The following KCNT2 variants were observed in gnomAD, a reference collection of about 807,000 sequenced individuals.
The protein encoded by KCNT2 is potassium channel subfamily T member 2.
KCNT2 carries 67 observed loss-of-function variants against 153.8 expected under a neutral mutation model. The observed-to-expected ratio is 0.44, with a 90% confidence interval of 0.36 to 0.53. The LOEUF (loss-of-function observed/expected upper bound fraction) is 0.53. Among genes scored for constraint, KCNT2 ranks in the 20% least tolerant of loss-of-function variants. KCNT2 has a pLI of 0.00. For synonymous variants in KCNT2, 500 were observed against 458.8 expected, an observed-to-expected ratio of 1.09 and a Z score of -1.15; for missense variants, 975 against 1,354.8, an observed-to-expected ratio of 0.72 and a Z score of 4.40.
At chr1:196,266,304 C>T (rs1657533157) in intron 25 of KCNT2, among the ~76,000 whole-genome samples, 2 of 152,224 alleles carry the variant, frequency 1.3e-5, no homozygotes, top group East Asian at 3.9e-4. Context: ...TAAATTTAAA[C>T]AAAGTACCCT....
intron 1 of KCNT2, among the ~76,000 whole-genome samples, chr1:196,529,899 A>G (rs1170101340): frequency 1.3e-5 from 2 of 152,054 alleles, no homozygotes; most frequent in Non-Finnish European, 2.9e-5. Context: ...TATGATCTTT[A>G]CTCTGGTAAA....
intron 1 of KCNT2, among the ~76,000 whole-genome samples, chr1:196,533,030 T>C (rs890185356): frequency 1.3e-5 from 2 of 152,120 alleles, no homozygotes; most frequent in South Asian, 2.1e-4. Context: ...CAGAGATCTC[T>C]ATCTGGCCAA....
intron 22 of KCNT2, among the ~76,000 whole-genome samples, chr1:196,288,591 G>A (rs897326655): frequency 2.6e-5 from 4 of 152,128 alleles, no homozygotes; most frequent in East Asian, 1.9e-4. Context: ...AGTGAAAGAC[G>A]AATGTACATT....
intron 1 of KCNT2, among the ~76,000 whole-genome samples, chr1:196,505,032 GT>G (rs1473867210): frequency 6.6e-6 from 1 of 151,464 alleles, no homozygotes; most frequent in East Asian, 1.9e-4. Flanking sequence ...CATTTTGTAG[GT>G]TGCCTGTTCA....
chr1:196,436,001 C>A (rs1228609304), intron 8 of KCNT2, among the ~76,000 whole-genome samples: 2 of 151,536 alleles, frequency 1.3e-5, no homozygotes, highest in African/African-American at 4.8e-5. Context: ...CTCATAAAAT[C>A]CTAAAAAATT....
chr1:196,381,130 G>A (rs1373282708), intron 13 of KCNT2, among the ~76,000 whole-genome samples: 1 of 151,994 alleles, frequency 6.6e-6, no homozygotes, highest in African/African-American at 2.4e-5. Flanking sequence ...TAAAAAGCAC[G>A]TTTCTGTTTT....
At chr1:196,455,199 C>G (rs1265497741) in intron 8 of KCNT2, among the ~76,000 whole-genome samples, 1 of 151,916 alleles carries the variant, frequency 6.6e-6, no homozygotes, top group African/African-American at 2.4e-5. Flanking sequence ...TGATTTCAGA[C>G]TAGGTCACCT....
At chr1:196,427,051 G>C (rs1384163930) in intron 10 of KCNT2, among the ~76,000 whole-genome samples, 2 of 151,906 alleles carry the variant, frequency 1.3e-5, no homozygotes, top group African/African-American at 2.4e-5. Flanking sequence ...AGCAGTGTGA[G>C]AGCAGGCTAA....
chr1:196,462,983 T>C (rs956838600), intron 8 of KCNT2, among the ~76,000 whole-genome samples: 1 of 151,710 alleles, frequency 6.6e-6, no homozygotes, highest in Admixed American at 6.6e-5. Context: ...ACTTGTGTCT[T>C]ATTTTTCTAA....
At chr1:196,243,116 C>T (rs1304093618) in intron 26 of KCNT2, among the ~76,000 whole-genome samples, 2 of 152,108 alleles carry the variant, frequency 1.3e-5, no homozygotes, top group Non-Finnish European at 2.9e-5. Context: ...TTTCAAGAAG[C>T]AGTTTTCTAG....
At chr1:196,377,477 T>A (rs1669072850) in intron 13 of KCNT2, among the ~76,000 whole-genome samples, 1 of 152,022 alleles carries the variant, frequency 6.6e-6, no homozygotes, top group South Asian at 2.1e-4. Flanking sequence ...CAGTAACTGC[T>A]ATTTTTCCCT....
At chr1:196,434,765 T>C (rs1261236085) in intron 8 of KCNT2, among the ~76,000 whole-genome samples, 1 of 151,960 alleles carries the variant, frequency 6.6e-6, no homozygotes, top group East Asian at 1.9e-4. Flanking sequence ...AAAGTGACAT[T>C]ATGTGGTTGC....
intron 8 of KCNT2, among the ~76,000 whole-genome samples, chr1:196,455,500 T>G (rs1400444349): frequency 6.6e-6 from 1 of 151,984 alleles, no homozygotes; most frequent in Non-Finnish European, 1.5e-5. Flanking sequence ...CTCACATCTT[T>G]CCTCAAAACA....
chr1:196,460,416 A>G (rs900999145), intron 8 of KCNT2, among the ~76,000 whole-genome samples: 1 of 151,744 alleles, frequency 6.6e-6, no homozygotes, highest in Non-Finnish European at 1.5e-5. Context: ...AAGTATCTCC[A>G]CTTGATAAGG....
intron 13 of KCNT2, among the ~76,000 whole-genome samples, chr1:196,389,588 G>C (rs1380061193): frequency 1.3e-5 from 2 of 151,578 alleles, no homozygotes; most frequent in African/African-American, 4.8e-5. Flanking sequence ...ACTTTCAAGG[G>C]CAGTGTTAGT....
Position 196,431,471 on chromosome 1 carries a change from C to T in KCNT2, c.639-1714G>A, listed in dbSNP as rs1674141362. On this transcript the variant is annotated intron_variant, in intron 8 of 27. Coordinates refer to ENST00000294725, the MANE Select transcript of KCNT2 (RefSeq NM_198503.5). The stretch of plus-strand genomic sequence containing the variant: ...TTATAGATTATTTAAACAGTCATGA[C>T]CAGAATATTGGGGGAAATACCGACG... Among the ~76,000 whole-genome samples, 2 of 151,956 alleles carry T rather than the reference C, an allele frequency of 1.3e-5. 1 individual carries two copies. The highest frequency in any genetic ancestry group is 1.3e-4 in the Admixed American group (2 of 15,234).
chr1:196,534,110 A>T (rs1245239036), intron 1 of KCNT2, among the ~76,000 whole-genome samples: 1 of 152,150 alleles, frequency 6.6e-6, no homozygotes, highest in Non-Finnish European at 1.5e-5. Flanking sequence ...GGGAAAAAAA[A>T]AAGGAAGAAT....
At chr1:196,415,800 C>T (rs763550439) in intron 12 of KCNT2, among the ~76,000 whole-genome samples, 1 of 151,758 alleles carries the variant, frequency 6.6e-6, no homozygotes, top group Non-Finnish European at 1.5e-5. Flanking sequence ...AAAACTCCAC[C>T]CAGTTACCAG....
chr1:196,492,041 A>G (rs973405744), intron 2 of KCNT2, among the ~76,000 whole-genome samples: 2 of 152,092 alleles, frequency 1.3e-5, no homozygotes, highest in African/African-American at 4.8e-5. Context: ...AGAATTGAAG[A>G]TGTTCAAGAA....
Sources: gnomAD v4.1 joint callset for allele counts (sites outside exome capture counted in the v4.1 genomes callset) on GRCh38, gnomAD v4.1.1 for gene constraint, MANE v1.5 for transcripts, NCBI Gene and HGNC (gene_info 2026-07-23, HGNC 2026-07-21) for gene names.